SEPTIN9: variants seen among roughly 807,000 people sequenced by gnomAD.
SEPTIN9 encodes the protein septin 9.
SEPTIN9 carries 13 observed loss-of-function variants against 56.6 expected under a neutral mutation model. The observed-to-expected ratio is 0.23, with a 90% confidence interval of 0.15 to 0.37. The LOEUF (loss-of-function observed/expected upper bound fraction) is 0.37, where lower values mean the gene tolerates loss of function less well. Among genes scored for constraint, SEPTIN9 ranks in the 10% least tolerant of loss-of-function variants. The pLI, the probability that SEPTIN9 is intolerant of heterozygous loss-of-function variation, is 1.00. For missense variants in SEPTIN9, 650 were observed against 823.1 expected, an observed-to-expected ratio of 0.79 and a Z score of 2.57; for synonymous variants, 332 against 334.1, an observed-to-expected ratio of 0.99 and a Z score of 0.07.
intron 3 of SEPTIN9, among the ~76,000 whole-genome samples, chr17:77,480,870 G>A (rs1280034362): frequency 6.6e-6 from 1 of 152,162 alleles, no homozygotes; most frequent in Non-Finnish European, 1.5e-5. Context: ...GGGCCTGGAT[G>A]GGCCCAAGCA....
intron 3 of SEPTIN9, among the ~76,000 whole-genome samples, chr17:77,478,893 C>T (rs1410393806): frequency 6.6e-6 from 1 of 151,870 alleles, no homozygotes; most frequent in Non-Finnish European, 1.5e-5. Context: ...AAGGGTGAAC[C>T]TTTCGGGTAT....
chr17:77,318,304 T>C lies in SEPTIN9; in HGVS notation c.76+11107T>C, dbSNP rs1423856153. ...GATCTCTCCGGGCCCCATCTCCACT[T>C]GGCCATCCCTGTCTGTGTCAAATCT... On this transcript the variant is annotated intron_variant, in intron 2 of 11. Transcript: ENST00000427177. This position sits in a 1 kb window ranked among gnomAD's most constrained non-coding sequence, Gnocchi z 4.9. Among the ~76,000 whole-genome samples the C allele has an allele frequency of 5.3e-5, 8 of 151,926 alleles. No homozygotes were observed. Among genetic ancestry groups the C allele is most frequent in the African/African-American group, 1.9e-4 (8 of 41,358 alleles).
rs541905793 is a variant in SEPTIN9, at chr17:77,369,403, G to A, written c.77-32656G>A. On this transcript the variant is annotated intron_variant, in intron 2 of 11. Coordinates refer to ENST00000427177, the MANE Select transcript of SEPTIN9 (RefSeq NM_001113491.2). This position sits in a 1 kb window ranked among gnomAD's most constrained non-coding sequence, Gnocchi z 4.9. Reference sequence around the variant, plus strand: ...GGAGGAGGGAGGTTCAGACTGATTCGCAGAGAGACTAGAGGTAGAAACGCA... The same window carrying A: ...GGAGGAGGGAGGTTCAGACTGATTCACAGAGAGACTAGAGGTAGAAACGCA... Among the ~76,000 whole-genome samples, 31 of 152,144 alleles carry A rather than the reference G, an allele frequency of 2.0e-4. No individual in the cohort carries two copies. Among genetic ancestry groups the A allele is most frequent in the South Asian group, 2.1e-4 (1 of 4,826 alleles).
rs1031324019 is a variant in SEPTIN9 at position 77,453,918 on chromosome 17, G to A, written c.722-28226G>A. On this transcript the variant is annotated intron_variant, in intron 3 of 11. Coordinates refer to ENST00000427177, the MANE Select transcript of SEPTIN9 (RefSeq NM_001113491.2). This position sits in a 1 kb window ranked among gnomAD's most constrained non-coding sequence, Gnocchi z 4.4. Reference sequence around the variant, plus strand: ...TGGTGCAGTGTGTGGCTTCCCTGCCGGTGTCAAAGGTCTCAAGGCCCCTTT... The same window carrying A: ...TGGTGCAGTGTGTGGCTTCCCTGCCAGTGTCAAAGGTCTCAAGGCCCCTTT... 8.0e-5 allele frequency: 26 copies of A among 324,712 alleles called. No individual in the cohort carries two copies. The highest frequency in any genetic ancestry group is 1.2e-4 in the South Asian group (1 of 8,190). 20.1% of individuals were successfully genotyped at this position (324,712 alleles called of 1,614,324 possible).
chr17:77,401,975 C>G (rs1477169750), intron 2 of SEPTIN9, 84 bp from the exon 3 acceptor site: 1 of 1,450,424 alleles, frequency 6.9e-7, no homozygotes, highest in Non-Finnish European at 9.4e-7. Context: ...GCCTGCCTTC[C>G]TCTGCTGCTC....
At chr17:77,377,588 C>T (rs547099830) in intron 2 of SEPTIN9, among the ~76,000 whole-genome samples, 23 of 152,136 alleles carry the variant, frequency 1.5e-4, no homozygotes, top group Admixed American at 1.3e-3. Flanking sequence ...CACTGTCGCC[C>T]GAGGAGGACC....
intron 2 of SEPTIN9, among the ~76,000 whole-genome samples, chr17:77,398,303 C>A (rs1317702617): frequency 6.6e-6 from 1 of 152,174 alleles, no homozygotes; most frequent in African/African-American, 2.4e-5. Context: ...CGCCTGAGGC[C>A]TGGTGAAGGC....
chr17:77,324,316 A>G (rs1347546), intron 2 of SEPTIN9, among the ~76,000 whole-genome samples: 21,202 of 152,154 alleles, frequency 0.14, 1,686 homozygotes, highest in African/African-American at 0.19. Context: ...TTTAGGGGCC[A>G]CCTTTCATCC....
chr17:77,296,362 TAGAC>T (rs934421819), intron 1 of SEPTIN9, among the ~76,000 whole-genome samples: 18 of 151,988 alleles, frequency 1.2e-4, no homozygotes, highest in African/African-American at 2.9e-4. Context: ...GATGGCTAGA[TAGAC>T]AGACAAGCGG....
chr17:77,458,950 A>G (rs574447428), intron 3 of SEPTIN9, among the ~76,000 whole-genome samples: 2 of 152,298 alleles, frequency 1.3e-5, no homozygotes, highest in Admixed American at 1.3e-4. Flanking sequence ...GAGTGAGAAA[A>G]TGGCTTGGCG....
At chr17:77,442,453 T>A (rs1390602485) in intron 3 of SEPTIN9, among the ~76,000 whole-genome samples, 5 of 118,804 alleles carry the variant, frequency 4.2e-5, no homozygotes, top group Non-Finnish European at 8.3e-5. Context: ...TACCTCGGCC[T>A]CCCAAAGTGG....
chr17:77,498,699 T>G lies in SEPTIN9; in HGVS notation c.*41T>G. On this transcript the variant is annotated 3_prime_UTR_variant, in exon 12 of 12. Transcript: ENST00000427177. ...CCCCCGGGATCCTGCCCCCAAGTCA[T>G]TTCCGTCCCCCCCCAGGCCCTCCCA... is the stretch of plus-strand genomic sequence containing the variant. The G allele has an allele frequency of 8.4e-7, 1 of 1,189,674 alleles. No individual in the cohort carries two copies. 73.7% of individuals were successfully genotyped at this position (1,189,674 alleles called of 1,614,324 possible). A position where few individuals can be genotyped will look rare whatever the true frequency, so the allele number is the denominator to read the frequency against.
At chr17:77,305,211 G>A (rs990686419) in intron 1 of SEPTIN9, among the ~76,000 whole-genome samples, 2 of 152,154 alleles carry the variant, frequency 1.3e-5, no homozygotes, top group African/African-American at 4.8e-5. Context: ...AGAGGAGGAT[G>A]CTGGGTGAGG....
intron 2 of SEPTIN9, among the ~76,000 whole-genome samples, chr17:77,391,060 A>T (rs185427594): frequency 6.6e-6 from 1 of 152,326 alleles, no homozygotes; most frequent in East Asian, 1.9e-4. Flanking sequence ...GCACTTGCCC[A>T]CTGTGAAGGG....
rs970275162 is a variant in SEPTIN9, at chr17:77,436,700, G to A, written c.721+33997G>A. Among the ~76,000 whole-genome samples, 1 of 152,248 alleles carries A rather than the reference G, an allele frequency of 6.6e-6. No homozygotes were observed. Among genetic ancestry groups the A allele is most frequent in the South Asian group, 2.1e-4 (1 of 4,832 alleles). On this transcript the variant is annotated intron_variant, in intron 3 of 11. Transcript: ENST00000427177. This position sits in a 1 kb window ranked among gnomAD's most constrained non-coding sequence, Gnocchi z 4.4. ...GCACTAGCCTCGTGGTAGGGGCTGC[G>A]GCGGAGGTGGGCAAAAGCCGCTTCC...
intron 2 of SEPTIN9, among the ~76,000 whole-genome samples, chr17:77,348,294 G>GTTTTTT (rs367934946): frequency 1.0e-4 from 9 of 89,748 alleles, no homozygotes; most frequent in East Asian, 3.5e-4. Flanking sequence ...TTTAATTTAT[G>GTTTTTT]TTTTTTTTTT....
In SEPTIN9 at chr17:77,475,991, G is replaced by A. The variant is rs773087706; in HGVS notation, c.722-6153G>A. On this transcript the variant is annotated intron_variant, in intron 3 of 11. Transcript: ENST00000427177. This position sits in a 1 kb window ranked among gnomAD's most constrained non-coding sequence, Gnocchi z 4.6. ...GAAGACAGGGGAATGGCATTGACTT[G>A]ACCCTGAGCACTTTGTCCTGGGGTG... 75 of 1,396,266 alleles carry A rather than the reference G, an allele frequency of 5.4e-5. No individual in the cohort carries two copies. Among genetic ancestry groups the A allele is most frequent in the Non-Finnish European group, 6.7e-5 (68 of 1,012,546 alleles). The allele number at this position is 1,396,266 out of a possible 1,614,324, so 86.5% of individuals were successfully genotyped here.
At position 77,490,666 on chromosome 17, in the gene SEPTIN9, A is replaced by C. The variant is rs1178512283; in HGVS notation, c.1263-76A>C. ...CCCGAGCCAGCACCTGAGAGTGTCGACACCTGCTTGGGGGTGGGTGCCCCC... is the reference window on the plus strand; with the variant it reads ...CCCGAGCCAGCACCTGAGAGTGTCGCCACCTGCTTGGGGGTGGGTGCCCCC... On this transcript the variant is annotated intron_variant, in intron 7 of 11. Coordinates refer to ENST00000427177, the MANE Select transcript of SEPTIN9 (RefSeq NM_001113491.2). 2.6e-6 allele frequency: 3 copies of C among 1,159,326 alleles called. No homozygotes were observed. In the African/African-American group the frequency reaches 4.6e-5, roughly 18 times the overall value. The allele number at this position is 1,159,326 out of a possible 1,614,324, so 71.8% of individuals were successfully genotyped here.
At chr17:77,466,476 G>A (rs754692694) in intron 3 of SEPTIN9, 246 of 985,526 alleles carry the variant, frequency 2.5e-4, no homozygotes, top group Non-Finnish European at 2.9e-4. Flanking sequence ...TGTTAGCTGC[G>A]TGAGCGTGAG....
Sources: allele counts gnomAD v4.1 joint callset (sites outside exome capture counted in the v4.1 genomes callset), GRCh38; gene constraint gnomAD v4.1.1; non-coding constraint Gnocchi (gnomAD v3.1); transcripts MANE v1.5; gene names NCBI Gene and HGNC (gene_info 2026-07-23, HGNC 2026-07-21).